The following PCLO variants were observed in gnomAD, a reference collection of about 807,000 sequenced individuals.
PCLO encodes protein piccolo.
PCLO carries 82 observed loss-of-function variants against 427.5 expected under a neutral mutation model. That is an observed-to-expected ratio of 0.19 (90% CI 0.16 to 0.23). The LOEUF is 0.23. PCLO is among the 10% of genes least tolerant of loss of function. The probability of loss-of-function intolerance (pLI) is 1.00; values close to 1 mark genes in which losing one functional copy is unlikely to be tolerated. For missense variants in PCLO, 6,239 were observed against 6,115.9 expected, an observed-to-expected ratio of 1.02 and a Z score of -0.67; for synonymous variants, 2,357 against 2,155.4, an observed-to-expected ratio of 1.09 and a Z score of -2.59.
At position 83,079,907 on chromosome 7, in the gene PCLO, G is replaced by T. The variant is rs913954734; in HGVS notation, c.3300+54343C>A. ...CCCCCCCACAGACCCCAATGTTGTT[G>T]TTCCCCTCCCTGTGTCCATGTGTTC... On this transcript the variant is annotated intron_variant, in intron 3 of 24. Coordinates refer to ENST00000333891, the MANE Select transcript of PCLO (RefSeq NM_033026.6). Among the ~76,000 whole-genome samples the T allele has an allele frequency of 2.0e-5, 3 of 151,338 alleles. No homozygotes were observed. In the East Asian group the frequency reaches 5.8e-4, roughly 30 times the overall value.
intron 20 of PCLO, 176 bp downstream of exon 20, chr7:82,822,319 T>G: frequency 1.4e-6 from 2 of 1,439,830 alleles, no homozygotes; most frequent in South Asian, 1.5e-5. Context: ...AAAAAAAATC[T>G]AAATAAGAAA....
chr7:82,959,102 T>C (rs1795598641), intron 4 of PCLO, among the ~76,000 whole-genome samples: 1 of 152,186 alleles, frequency 6.6e-6, no homozygotes, highest in African/African-American at 2.4e-5. Context: ...AGTCACGCTC[T>C]GTCACCCAGG....
rs140422605 is a variant in PCLO, at chr7:83,093,774, T to C, written c.3300+40476A>G. Among the ~76,000 whole-genome samples, 500 of 137,774 alleles carry C rather than the reference T, an allele frequency of 3.6e-3. 12 individuals carry two copies. The East Asian group carries it at 0.053, about 15-fold the overall frequency. 90.4% of individuals were successfully genotyped at this position (137,774 alleles called of 152,430 possible). On this transcript the variant is annotated intron_variant, in intron 3 of 24. Coordinates refer to ENST00000333891, the MANE Select transcript of PCLO (RefSeq NM_033026.6). ...TCCCAAAGCGTTGGGATTACAGGCATAAGCCACCACGCCCGACCACCACAA... is the reference window on the plus strand; with the variant it reads ...TCCCAAAGCGTTGGGATTACAGGCACAAGCCACCACGCCCGACCACCACAA...
At chr7:83,011,285 T>C (rs1443678859) in intron 3 of PCLO, among the ~76,000 whole-genome samples, 1 of 151,952 alleles carries the variant, frequency 6.6e-6, no homozygotes, top group Non-Finnish European at 1.5e-5. Context: ...CAGTGTGAAC[T>C]AGCTAAATTT....
intron 9 of PCLO, among the ~76,000 whole-genome samples, chr7:82,892,599 C>G (rs1793797025): frequency 6.6e-6 from 1 of 151,786 alleles, no homozygotes; most frequent in African/African-American, 2.4e-5. Context: ...AACTAAAGAG[C>G]TTCTGCACAG....
chr7:83,055,134 C>G (rs1196595280), intron 3 of PCLO, among the ~76,000 whole-genome samples: 4 of 151,986 alleles, frequency 2.6e-5, no homozygotes, highest in Non-Finnish European at 4.4e-5. Context: ...AAAACTTTGA[C>G]TTTTTTCAAC....
chr7:83,109,912 A>G lies in PCLO; in HGVS notation c.3300+24338T>C, dbSNP rs1007611077. ...TCAAATTTTTGAAAGGCAGTTTTGC[A>G]GATAAATCTCAAAATTTAGAGCCAG... On this transcript the variant is annotated intron_variant, in intron 3 of 24. Transcript: ENST00000333891. 7.2e-5 allele frequency among the ~76,000 whole-genome samples: 11 copies of G among 152,104 alleles called. No homozygotes were observed. The East Asian group carries it at 2.1e-3, about 29-fold the overall frequency.
chr7:82,978,863 C>A (rs1224196398), intron 3 of PCLO, among the ~76,000 whole-genome samples: 26 of 119,958 alleles, frequency 2.2e-4, no homozygotes, highest in African/African-American at 4.2e-4. Context: ...CACAAACACA[C>A]ACACACACAC....
At chr7:83,038,053 T>TA (rs1554382433) in intron 3 of PCLO, among the ~76,000 whole-genome samples, 3 of 44,770 alleles carry the variant, frequency 6.7e-5, no homozygotes, top group East Asian at 8.0e-4. Flanking sequence ...ATATATATCT[T>TA]TATATATATA....
At position 83,102,787 on chromosome 7, in the gene PCLO, T is replaced by A. The variant is rs182430550; in HGVS notation, c.3300+31463A>T. ...TATTATTTTTGCTTTCTTAAAAAAA[T>A]CCTTGTAAATTCAACTTTGATATAG... On this transcript the variant is annotated intron_variant, in intron 3 of 24. Transcript: ENST00000333891. 9.6e-3 allele frequency among the ~76,000 whole-genome samples: 1,453 copies of A among 152,058 alleles called. 31 individuals are homozygous for A. Among genetic ancestry groups the A allele is most frequent in the African/African-American group, 0.032 (1,350 of 41,556 alleles).
chr7:82,997,436 C>T (rs749672860), intron 3 of PCLO, among the ~76,000 whole-genome samples: 10 of 151,966 alleles, frequency 6.6e-5, no homozygotes, highest in Non-Finnish European at 1.3e-4. Flanking sequence ...AAAAAAATTA[C>T]TTTTGTCTTT....
intron 3 of PCLO, among the ~76,000 whole-genome samples, chr7:83,006,584 T>A (rs1208725649): frequency 6.6e-6 from 1 of 151,338 alleles, no homozygotes; most frequent in East Asian, 1.9e-4. Context: ...TAAAAAAAAA[T>A]TTAAACAAAG....
chr7:82,892,163 C>T (rs1399275834), intron 9 of PCLO, among the ~76,000 whole-genome samples: 1 of 152,174 alleles, frequency 6.6e-6, no homozygotes, highest in African/African-American at 2.4e-5. Flanking sequence ...ATCACACCTC[C>T]TGACTTCAAA....
chr7:83,126,133 A>G (rs769659498), intron 3 of PCLO, among the ~76,000 whole-genome samples: 1 of 152,184 alleles, frequency 6.6e-6, no homozygotes, highest in Non-Finnish European at 1.5e-5. Context: ...CGGAAAGACA[A>G]ATTTCTTATA....
intron 3 of PCLO, among the ~76,000 whole-genome samples, chr7:83,011,977 T>G (rs1788089475): frequency 6.6e-6 from 1 of 152,162 alleles, no homozygotes; most frequent in Non-Finnish European, 1.5e-5. Context: ...CTAAAATGTT[T>G]TTATTTTTAT....
chr7:83,025,535 A>G (rs1175316481), intron 3 of PCLO, among the ~76,000 whole-genome samples: 1 of 152,142 alleles, frequency 6.6e-6, no homozygotes, highest in Non-Finnish European at 1.5e-5. Flanking sequence ...ACTCTGCAGG[A>G]TATTATCCAG....
At chr7:83,096,953 A>AATAATATAATATAATATATTATATAT (rs1790580082) in intron 3 of PCLO, among the ~76,000 whole-genome samples, 1 of 34,874 alleles carries the variant, frequency 2.9e-5, no homozygotes, top group Non-Finnish European at 4.3e-5. Flanking sequence ...ATATTATATA[A>AATAATATAATATAATATATTATATAT]ATAATATAAT....
chr7:82,897,780 T>G (rs1793942358), intron 9 of PCLO, among the ~76,000 whole-genome samples: 1 of 151,580 alleles, frequency 6.6e-6, no homozygotes, highest in South Asian at 2.1e-4. Flanking sequence ...CACATTTTTT[T>G]AATAAGTAGA....
At chr7:82,982,170 T>C (rs1264518829) in intron 3 of PCLO, among the ~76,000 whole-genome samples, 13 of 152,088 alleles carry the variant, frequency 8.5e-5, no homozygotes, top group African/African-American at 3.1e-4. Flanking sequence ...GTTATGTTAA[T>C]AGAGATTAGA....
Sources: gnomAD v4.1 joint callset for allele counts (sites outside exome capture counted in the v4.1 genomes callset) on GRCh38, gnomAD v4.1.1 for gene constraint, MANE v1.5 for transcripts, NCBI Gene and HGNC (gene_info 2026-07-23, HGNC 2026-07-21) for gene names.